The following DNAJB6 variants were observed in gnomAD, a reference collection of about 807,000 sequenced individuals.
DNAJB6 encodes dnaJ homolog subfamily B member 6.
In DNAJB6, 16 loss-of-function variants were observed where a neutral mutation model predicts 42.7. The observed-to-expected ratio is 0.37, with a 90% CI of 0.25 to 0.57. The LOEUF is 0.57. DNAJB6 is among the 20% of genes least tolerant of loss of function. DNAJB6 has a pLI of 0.74. For missense variants in DNAJB6, 347 were observed against 416.8 expected (o/e 0.83, Z 1.46); for synonymous variants, 170 against 163.5 (o/e 1.04, Z -0.30).
At chr7:157,392,260 C>T (rs1457874049) in intron 8 of DNAJB6, among the ~76,000 whole-genome samples, 1 of 152,092 alleles carries the variant, frequency 6.6e-6, no homozygotes, top group Non-Finnish European at 1.5e-5. Context: ...TCTTGTGTCA[C>T]CTGCGTGTGC....
At chr7:157,409,746 C>T (rs1408869313) in intron 8 of DNAJB6, 49 bp from the exon 9 acceptor site, 26 of 1,474,054 alleles carry the variant, frequency 1.8e-5, no homozygotes, top group East Asian at 2.5e-5. Flanking sequence ...GGATGGGGGC[C>T]GGCCGCCGCC....
chr7:157,408,798 C>T (rs1350176516), intron 8 of DNAJB6, among the ~76,000 whole-genome samples: 1 of 152,230 alleles, frequency 6.6e-6, no homozygotes, highest in Non-Finnish European at 1.5e-5. Context: ...CTGAGTGCTC[C>T]TCAGTGCTTG....
At chr7:157,410,404 G>A in intron 9 of DNAJB6, 1 of 362,946 alleles carries the variant, frequency 2.8e-6, no homozygotes, top group Non-Finnish European at 4.9e-6. Context: ...CCCTCCGTCA[G>A]CTTCACCTTC....
intron 1 of DNAJB6, among the ~76,000 whole-genome samples, chr7:157,344,081 C>G (rs182982037): frequency 6.6e-6 from 1 of 152,238 alleles, no homozygotes; most frequent in East Asian, 1.9e-4. Context: ...TGGCTCACAC[C>G]TGTAATCCCA....
chr7:157,400,349 C>T (rs1477150269), intron 8 of DNAJB6, among the ~76,000 whole-genome samples: 3 of 152,262 alleles, frequency 2.0e-5, no homozygotes, highest in East Asian at 1.9e-4. Flanking sequence ...CCTGGGTCCC[C>T]GCGCCTTCAT....
At chr7:157,346,427 G>A (rs1462417784) in intron 1 of DNAJB6, among the ~76,000 whole-genome samples, 1 of 150,986 alleles carries the variant, frequency 6.6e-6, no homozygotes, top group African/African-American at 2.4e-5. Flanking sequence ...TTTATATCTT[G>A]ATTAGGCAAC....
At chr7:157,382,606 C>G (rs764936395) in intron 6 of DNAJB6, 24 of 321,352 alleles carry the variant, frequency 7.5e-5, no homozygotes, top group Non-Finnish European at 1.2e-4. Flanking sequence ...ATATAATAAT[C>G]AAGGCCAGAA....
chr7:157,346,316 T>TAAA (rs60806134), intron 1 of DNAJB6, among the ~76,000 whole-genome samples: 3,580 of 117,622 alleles, frequency 0.03, 83 homozygotes, highest in East Asian at 0.06. Flanking sequence ...CAAGGAGTAG[T>TAAA]AAAAAAAAAA....
intron 8 of DNAJB6, among the ~76,000 whole-genome samples, chr7:157,407,585 C>T (rs1408850131): frequency 6.6e-6 from 1 of 152,166 alleles, no homozygotes; most frequent in Non-Finnish European, 1.5e-5. Flanking sequence ...TCCTCTCTCC[C>T]TCCAAGGTGG....
At chr7:157,390,172 C>T (rs1801270171) in intron 8 of DNAJB6, among the ~76,000 whole-genome samples, 1 of 152,244 alleles carries the variant, frequency 6.6e-6, no homozygotes, top group Non-Finnish European at 1.5e-5. Context: ...TGCCCTGGAC[C>T]ACAGCTGCCT....
intron 3 of DNAJB6, among the ~76,000 whole-genome samples, chr7:157,363,954 T>A (rs1386954382): frequency 6.6e-6 from 1 of 152,142 alleles, no homozygotes; most frequent in Non-Finnish European, 1.5e-5. Context: ...ACAGTGCCCC[T>A]GTCTGCTGCA....
intron 8 of DNAJB6, among the ~76,000 whole-genome samples, chr7:157,396,933 A>G (rs1801615188): frequency 6.6e-6 from 1 of 152,160 alleles, no homozygotes; most frequent in Non-Finnish European, 1.5e-5. Flanking sequence ...GTTGGTTTCC[A>G]TCTGAAAGGG....
intron 8 of DNAJB6, among the ~76,000 whole-genome samples, chr7:157,408,826 T>C (rs758931): frequency 0.67 from 102,317 of 152,262 alleles, 34,517 homozygotes; most frequent in Admixed American, 0.75. Context: ...GCGAGGAGGA[T>C]GGGGCCGCCC....
chr7:157,400,936 T>C (rs1167968299), intron 8 of DNAJB6, among the ~76,000 whole-genome samples: 1 of 152,226 alleles, frequency 6.6e-6, no homozygotes, highest in African/African-American at 2.4e-5. Context: ...TCTGGATTTC[T>C]AGGAAGCTGA....
intron 5 of DNAJB6, among the ~76,000 whole-genome samples, chr7:157,372,505 G>A (rs1200174068): frequency 6.6e-6 from 1 of 152,238 alleles, no homozygotes; most frequent in African/African-American, 2.4e-5. Flanking sequence ...GGAGCTGCCC[G>A]AGTGGGACTG....
chr7:157,385,953 A>G (rs1801036255), intron 8 of DNAJB6: 2 of 935,798 alleles, frequency 2.1e-6, no homozygotes, highest in Admixed American at 5.4e-5. Flanking sequence ...ATTGTACACT[A>G]ACACCAGCAT....
intron 5 of DNAJB6, among the ~76,000 whole-genome samples, chr7:157,370,368 A>C (rs796207612): frequency 7.5e-4 from 114 of 152,180 alleles, no homozygotes; most frequent in African/African-American, 2.6e-3. Flanking sequence ...TCTCAACATG[A>C]TTATTAAACA....
intron 8 of DNAJB6, among the ~76,000 whole-genome samples, chr7:157,407,828 T>G (rs1188800007): frequency 6.6e-6 from 1 of 152,186 alleles, no homozygotes; most frequent in East Asian, 1.9e-4. Context: ...GGGAAACAGC[T>G]TGGTTTGCTG....
chr7:157,367,715 C>T (rs1018905079), intron 5 of DNAJB6, among the ~76,000 whole-genome samples: 3 of 152,124 alleles, frequency 2.0e-5, no homozygotes, highest in East Asian at 1.9e-4. Flanking sequence ...CAAAATTAGC[C>T]GGGCATGGTG....
Sources: gnomAD v4.1 joint callset for allele counts (sites outside exome capture counted in the v4.1 genomes callset) on GRCh38, gnomAD v4.1.1 for gene constraint, MANE v1.5 for transcripts, NCBI Gene and HGNC (gene_info 2026-07-23, HGNC 2026-07-21) for gene names.